The following XPNPEP3 variants were observed in gnomAD, a reference collection of about 807,000 sequenced individuals.
XPNPEP3 encodes the protein X-prolyl aminopeptidase 3, also known as xaa-Pro aminopeptidase 3.
XPNPEP3 carries 41 observed loss-of-function variants against 60.0 expected under a neutral mutation model. That is an observed-to-expected ratio of 0.68 (90% CI 0.53 to 0.89). XPNPEP3 has a LOEUF of 0.89. XPNPEP3 is among the 40% of genes least tolerant of loss of function. XPNPEP3 has a pLI of 0.00. For synonymous variants in XPNPEP3, 212 were observed against 223.2 expected, an observed-to-expected ratio of 0.95 and a Z score of 0.45; for missense variants, 598 against 638.9, an observed-to-expected ratio of 0.94 and a Z score of 0.69.
At chr22:40,904,079 C>G (rs1436386246) in intron 4 of XPNPEP3, among the ~76,000 whole-genome samples, 1 of 152,092 alleles carries the variant, frequency 6.6e-6, no homozygotes, top group Non-Finnish European at 1.5e-5. Context: ...TCAGGTAGCA[C>G]TTAGTGAAGT....
rs1289786662 is a variant in XPNPEP3, at chr22:40,929,357, A to G, written c.*2922A>G. On this transcript the variant is annotated 3_prime_UTR_variant, in exon 10 of 10. Coordinates refer to ENST00000357137, the MANE Select transcript of XPNPEP3 (RefSeq NM_022098.4). Reference sequence around the variant, plus strand: ...CAGGCGCCTGCCACCACACCCGGCTATTTTTTTGTATTTTAAATAGAGACG... The same window carrying G: ...CAGGCGCCTGCCACCACACCCGGCTGTTTTTTTGTATTTTAAATAGAGACG... The G allele has an allele frequency of 6.6e-6, 1 of 151,418 alleles. No homozygotes were observed. Among genetic ancestry groups the G allele is most frequent in the Non-Finnish European group, 1.5e-5 (1 of 67,880 alleles). The allele number at this position is 151,418 out of a possible 1,614,324, so 9.4% of individuals were successfully genotyped here.
intron 2 of XPNPEP3, among the ~76,000 whole-genome samples, chr22:40,877,681 C>T (rs937864952): frequency 3.3e-5 from 5 of 152,258 alleles, no homozygotes; most frequent in African/African-American, 9.6e-5. Context: ...TAAGTGGTTC[C>T]ACATCATAAA....
chr22:40,889,985 C>CTGCTGAT (rs2058082874), intron 4 of XPNPEP3, among the ~76,000 whole-genome samples: 11 of 152,314 alleles, frequency 7.2e-5, no homozygotes, highest in Admixed American at 3.3e-4. Context: ...TTCTGCACTT[C>CTGCTGAT]ATGGTATATA....
intron 7 of XPNPEP3, 35 bp from the exon 8 acceptor site, chr22:40,922,298 T>C: frequency 1.2e-6 from 2 of 1,612,696 alleles, no homozygotes; most frequent in Non-Finnish European, 1.7e-6. Context: ...TATCAGATTA[T>C]CTAAGTTCAG....
chr22:40,864,398 G>C (rs1202034462), intron 1 of XPNPEP3, among the ~76,000 whole-genome samples: 1 of 152,184 alleles, frequency 6.6e-6, no homozygotes, highest in Non-Finnish European at 1.5e-5. Flanking sequence ...GAAGATGTTC[G>C]CAGTGTCTAA....
chr22:40,913,581 T>C (rs1331984540), intron 6 of XPNPEP3, among the ~76,000 whole-genome samples: 4 of 151,854 alleles, frequency 2.6e-5, no homozygotes, highest in Non-Finnish European at 5.9e-5. Flanking sequence ...CAAAGGCATA[T>C]GGGTTTTTTT....
chr22:40,885,221 T>C (rs1317558602), intron 3 of XPNPEP3, among the ~76,000 whole-genome samples: 1 of 152,186 alleles, frequency 6.6e-6, no homozygotes, highest in African/African-American at 2.4e-5. Context: ...CCCCTCTACT[T>C]TCCCCAAAGT....
At chr22:40,874,195 G>A (rs978342868) in intron 2 of XPNPEP3, among the ~76,000 whole-genome samples, 15 of 152,232 alleles carry the variant, frequency 9.9e-5, no homozygotes, top group Admixed American at 2.0e-4. Flanking sequence ...GGAGGTCAAG[G>A]CCGTAGTGAG....
At chr22:40,882,378 C>T (rs1290570133) in intron 3 of XPNPEP3, among the ~76,000 whole-genome samples, 1 of 152,078 alleles carries the variant, frequency 6.6e-6, no homozygotes, top group Admixed American at 6.6e-5. Flanking sequence ...GGCTCACGCC[C>T]GTAATCCCAG....
chr22:40,920,942 A>C (rs2047640364), intron 7 of XPNPEP3, among the ~76,000 whole-genome samples: 1 of 151,912 alleles, frequency 6.6e-6, no homozygotes, highest in African/African-American at 2.4e-5. Flanking sequence ...ACAGACATGC[A>C]CCACCATGCC....
At chr22:40,900,798 T>C (rs1010112287) in intron 4 of XPNPEP3, among the ~76,000 whole-genome samples, 7 of 152,032 alleles carry the variant, frequency 4.6e-5, no homozygotes, top group African/African-American at 1.7e-4. Flanking sequence ...CTGGGTGTGG[T>C]GGCATGTTCC....
intron 2 of XPNPEP3, among the ~76,000 whole-genome samples, chr22:40,870,870 A>C (rs569336431): frequency 2.0e-3 from 296 of 149,346 alleles, no homozygotes; most frequent in Non-Finnish European, 2.6e-3. Flanking sequence ...AATACCCCCC[A>C]AAAAAAAAAT....
chr22:40,871,444 T>C (rs1159342164), intron 2 of XPNPEP3, among the ~76,000 whole-genome samples: 3 of 152,228 alleles, frequency 2.0e-5, no homozygotes, highest in East Asian at 1.9e-4. Context: ...AAAGGTTTCA[T>C]GTTTTGCATA....
chr22:40,907,336 G>C (rs2058160032), intron 4 of XPNPEP3: 1 of 437,886 alleles, frequency 2.3e-6, no homozygotes. Context: ...CAGGAGAATG[G>C]CGTGAACCCA....
chr22:40,916,734 T>C (rs910874586), intron 7 of XPNPEP3, among the ~76,000 whole-genome samples: 2 of 152,162 alleles, frequency 1.3e-5, no homozygotes, highest in African/African-American at 4.8e-5. Context: ...TCAAATATAT[T>C]ACAAATGAAC....
chr22:40,887,249 T>G (rs531792319), intron 4 of XPNPEP3, among the ~76,000 whole-genome samples: 1 of 152,258 alleles, frequency 6.6e-6, no homozygotes, highest in Admixed American at 6.5e-5. Context: ...AGCCAATGGC[T>G]GTCTCAAAGC....
At chr22:40,895,185 C>A (rs2058102968) in intron 4 of XPNPEP3, among the ~76,000 whole-genome samples, 1 of 152,200 alleles carries the variant, frequency 6.6e-6, no homozygotes, top group Non-Finnish European at 1.5e-5. Context: ...GAAAAGACTA[C>A]TTGCTCATGA....
chr22:40,913,223 C>T (rs2058183024), intron 6 of XPNPEP3, among the ~76,000 whole-genome samples: 1 of 152,036 alleles, frequency 6.6e-6, no homozygotes, highest in Admixed American at 6.6e-5. Context: ...GTAATTCCAG[C>T]ACTTTGGGAG....
At chr22:40,866,818 C>T (rs2057980742) in intron 1 of XPNPEP3, among the ~76,000 whole-genome samples, 1 of 152,136 alleles carries the variant, frequency 6.6e-6, no homozygotes, top group Non-Finnish European at 1.5e-5. Flanking sequence ...TAAAGTGTTA[C>T]TTGTTTGCTT....
Sources: gnomAD v4.1 joint callset for allele counts (sites outside exome capture counted in the v4.1 genomes callset) on GRCh38, gnomAD v4.1.1 for gene constraint, MANE v1.5 for transcripts, NCBI Gene and HGNC (gene_info 2026-07-23, HGNC 2026-07-21) for gene names.